SORCS2: variants seen among roughly 807,000 people sequenced by gnomAD.
The protein encoded by SORCS2 is sortilin related VPS10 domain containing receptor 2, also known as VPS10 domain-containing receptor SorCS2.
Under a neutral mutation model 141.6 loss-of-function variants are expected in SORCS2, and 100 were observed. The observed-to-expected ratio is 0.71, with a 90% CI of 0.60 to 0.83. The LOEUF is 0.83. Ranked by LOEUF, SORCS2 falls within the 40% of genes least tolerant of loss-of-function variation. The pLI is 0.00. For missense variants in SORCS2, 1,646 were observed against 1,560.2 expected, an observed-to-expected ratio of 1.05 and a Z score of -0.93; for synonymous variants, 789 against 676.9, an observed-to-expected ratio of 1.17 and a Z score of -2.57.
At chr4:7,325,035 G>A (rs888122956) in intron 1 of SORCS2, among the ~76,000 whole-genome samples, 25 of 152,294 alleles carry the variant, frequency 1.6e-4, no homozygotes, top group African/African-American at 5.3e-4. Context: ...TGTGGGTGGC[G>A]CACAGGACCT....
At chr4:7,285,506 G>A (rs1284512923) in intron 1 of SORCS2, among the ~76,000 whole-genome samples, 1 of 152,232 alleles carries the variant, frequency 6.6e-6, no homozygotes, top group South Asian at 2.1e-4. Flanking sequence ...CGGAGCGCCT[G>A]GCTGCAGTGG....
intron 3 of SORCS2, among the ~76,000 whole-genome samples, chr4:7,586,314 G>A (rs949505487): frequency 6.6e-6 from 1 of 152,012 alleles, no homozygotes; most frequent in African/African-American, 2.4e-5. Context: ...CCCCAATGAC[G>A]ATGTTTTTTC....
intron 1 of SORCS2, among the ~76,000 whole-genome samples, chr4:7,295,864 C>T (rs1216956310): frequency 6.6e-6 from 1 of 152,238 alleles, no homozygotes; most frequent in Non-Finnish European, 1.5e-5. Flanking sequence ...GCAGCATGCC[C>T]AGCACACAGT....
intron 1 of SORCS2, among the ~76,000 whole-genome samples, chr4:7,367,267 C>G (rs1721954880): frequency 6.6e-6 from 1 of 152,228 alleles, no homozygotes; most frequent in Non-Finnish European, 1.5e-5. Flanking sequence ...GCAGCAGCAA[C>G]AAACTTGAGT....
intron 3 of SORCS2, among the ~76,000 whole-genome samples, chr4:7,559,998 G>A (rs1167943839): frequency 2.0e-5 from 3 of 152,220 alleles, no homozygotes; most frequent in African/African-American, 7.2e-5. Context: ...CTTTAGATGT[G>A]TGCCGGTGGC....
At chr4:7,734,190 G>A (rs1711956195) in intron 24 of SORCS2, 82 bp from the exon 25 acceptor site, 1 of 1,036,720 alleles carries the variant, frequency 9.6e-7, no homozygotes. Flanking sequence ...GGGGACGGGT[G>A]GGGGACAGAC....
chr4:7,665,054 A>G (rs754123640), intron 7 of SORCS2, among the ~76,000 whole-genome samples: 1 of 152,102 alleles, frequency 6.6e-6, no homozygotes, highest in East Asian at 1.9e-4. Flanking sequence ...TGGCCCTGAG[A>G]CAGAGTCTGC....
chr4:7,202,950 G>A (rs904598080), intron 1 of SORCS2, among the ~76,000 whole-genome samples: 4 of 151,702 alleles, frequency 2.6e-5, no homozygotes, highest in African/African-American at 7.3e-5. Flanking sequence ...CGTCAGGCAC[G>A]TCATGCCCAT....
At chr4:7,631,428 CG>C (rs1416442515) in intron 3 of SORCS2, among the ~76,000 whole-genome samples, 1 of 152,070 alleles carries the variant, frequency 6.6e-6, no homozygotes, top group Non-Finnish European at 1.5e-5. Flanking sequence ...CAGCATCTCC[CG>C]GTGTCTGCCC....
intron 3 of SORCS2, among the ~76,000 whole-genome samples, chr4:7,604,528 A>G (rs1340967787): frequency 6.6e-6 from 1 of 152,212 alleles, no homozygotes; most frequent in Non-Finnish European, 1.5e-5. Flanking sequence ...TGTGTTAGCC[A>G]GGATGGTCTC....
intron 3 of SORCS2, among the ~76,000 whole-genome samples, chr4:7,598,764 T>C (rs1717453597): frequency 6.6e-6 from 1 of 152,144 alleles, no homozygotes. Flanking sequence ...CCTCCAGAAG[T>C]GCAGTCCAAA....
chr4:7,301,263 A>G (rs1050143929), intron 1 of SORCS2, among the ~76,000 whole-genome samples: 6 of 152,128 alleles, frequency 3.9e-5, no homozygotes, highest in African/African-American at 1.4e-4. Flanking sequence ...ACTGTGCTAG[A>G]CGTTGAAGAC....
At position 7,654,142 on chromosome 4, in the gene SORCS2, G is replaced by A. The variant is rs1721606211; in HGVS notation, c.822G>A (p.Val274=). The change falls in exon 5 of 27, where the codon GTG becomes GTA. Residue 274 remains valine (V), a synonymous_variant. Transcript: ENST00000507866. ...LAYTKESKLY[V]SSDLGKKWTL... The stretch of plus-strand genomic sequence containing the variant: ...TTTTTTCTGCCCTAAAGCTCTACGT[G>A]TCATCTGACTTGGGGAAAAAGTGGA... 1.3e-6 allele frequency: 2 copies of A among 1,578,514 alleles called. No homozygotes were observed. Among genetic ancestry groups the A allele is most frequent in the African/African-American group, 1.3e-5 (1 of 74,654 alleles).
chr4:7,396,171 CT>C, intron 1 of SORCS2, 116 bp from the exon 2 acceptor site: 2 of 868,106 alleles, frequency 2.3e-6, no homozygotes, highest in African/African-American at 3.4e-5. Flanking sequence ...AGAGAGGCCC[CT>C]GGGCGGCTGT....
intron 2 of SORCS2, among the ~76,000 whole-genome samples, chr4:7,400,727 A>T (rs1724522133): frequency 6.6e-6 from 1 of 151,970 alleles, no homozygotes; most frequent in South Asian, 2.1e-4. Flanking sequence ...GAATGGATGG[A>T]TGGACAGATG....
chr4:7,434,412 C>G, intron 2 of SORCS2: 1 of 1,608,486 alleles, frequency 6.2e-7, no homozygotes, highest in Non-Finnish European at 8.5e-7. Context: ...CAAAGGTGTC[C>G]TCTTTGGAGA....
intron 1 of SORCS2, among the ~76,000 whole-genome samples, chr4:7,335,599 C>G (rs1371367651): frequency 6.6e-6 from 1 of 152,210 alleles, no homozygotes; most frequent in East Asian, 1.9e-4. Flanking sequence ...TTGCTGGAGG[C>G]GGGCTGGGGT....
chr4:7,479,236 G>A (rs1730483175), intron 2 of SORCS2, among the ~76,000 whole-genome samples: 1 of 151,920 alleles, frequency 6.6e-6, no homozygotes, highest in African/African-American at 2.4e-5. Flanking sequence ...CCGCACACAG[G>A]ACACAGGACA....
intron 4 of SORCS2, among the ~76,000 whole-genome samples, chr4:7,646,406 T>C (rs1438013245): frequency 1.3e-5 from 2 of 152,198 alleles, no homozygotes; most frequent in East Asian, 1.9e-4. Context: ...TATTCACAGA[T>C]AGGGCCCTTA....
Sources: allele counts gnomAD v4.1 joint callset (sites outside exome capture counted in the v4.1 genomes callset), GRCh38; gene constraint gnomAD v4.1.1; transcripts MANE v1.5; gene names NCBI Gene and HGNC (gene_info 2026-07-23, HGNC 2026-07-21).